Variants in PLEKHM2 observed in about 807,000 individuals in gnomAD.
PLEKHM2 encodes pleckstrin homology and RUN domain containing M2.
In PLEKHM2, 77 loss-of-function variants were observed where a neutral mutation model predicts 116.3. The ratio of observed to expected loss-of-function variants is 0.66; its 90% confidence interval spans 0.55 to 0.80. The LOEUF is 0.80. Ranked by LOEUF, PLEKHM2 falls within the 30% of genes least tolerant of loss-of-function variation. PLEKHM2 has a pLI of 0.00. For synonymous variants in PLEKHM2, 562 were observed against 571.0 expected (o/e 0.98, Z 0.22); for missense variants, 1,183 against 1,354.9 (o/e 0.87, Z 1.99).
chr1:15,687,023 A>G (rs1640786374), intron 1 of PLEKHM2, among the ~76,000 whole-genome samples: 1 of 151,460 alleles, frequency 6.6e-6, no homozygotes, highest in Non-Finnish European at 1.5e-5. Context: ...CCTGACCTCA[A>G]GTGATCTGCC....
chr1:15,730,667 G>T lies in PLEKHM2; in HGVS notation c.2344G>T (p.Ala782Ser). ...ITKEGMLHYK[A>S]GTSYLGKEHW... The stretch of plus-strand genomic sequence containing the variant: ...CAAAGAAGGCATGCTGCACTACAAG[G>T]CGGGCACCTCCTACCTGGGCAAGGA... The change falls in exon 15 of 20, where the codon GCG becomes TCG. Residue 782 changes from alanine (A) to serine (S), a missense_variant. By Grantham distance (99) the Ala-to-Ser change is moderately conservative. This residue lies in a region of PLEKHM2 where 594 missense variants were observed against 720.1 expected (regional missense o/e 0.82). Coordinates refer to ENST00000375799, the MANE Select transcript of PLEKHM2 (RefSeq NM_015164.4). 1 of 1,610,140 alleles carries T rather than the reference G, an allele frequency of 6.2e-7. No homozygotes were observed. The highest frequency in any genetic ancestry group is 8.5e-7 in the Non-Finnish European group (1 of 1,178,432).
chr1:15,726,090 C>T (rs1478981532), intron 8 of PLEKHM2, among the ~76,000 whole-genome samples: 4 of 152,186 alleles, frequency 2.6e-5, no homozygotes, highest in South Asian at 2.1e-4. Context: ...GCACAGGCAG[C>T]GACCGTGGCT....
rs2068107083 is a variant in PLEKHM2, at chr1:15,729,263, GT to G, written c.2075+74del. 2 of 1,290,718 alleles carry G rather than the reference GT, an allele frequency of 1.5e-6. No individual in the cohort carries two copies. The highest frequency in any genetic ancestry group is 2.2e-6 in the Non-Finnish European group (2 of 906,622). 80.0% of individuals were successfully genotyped at this position (1,290,718 alleles called of 1,614,324 possible). A position where few individuals can be genotyped will look rare whatever the true frequency, so the allele number is the denominator to read the frequency against. The stretch of plus-strand genomic sequence containing the variant: ...GCCCATAGGTGTGGGTGGCCTGGGG[GT>G]CAGGGGTGGAGGTGGAAAGTGGGAG... On this transcript the variant is annotated intron_variant, in intron 13 of 19. Transcript: ENST00000375799. This position sits in a 1 kb window ranked among gnomAD's most constrained non-coding sequence, Gnocchi z 4.7.
chr1:15,693,109 C>T (rs1035019868), intron 1 of PLEKHM2, among the ~76,000 whole-genome samples: 15 of 151,030 alleles, frequency 9.9e-5, no homozygotes, highest in African/African-American at 2.7e-4. Flanking sequence ...GGCGCAATCT[C>T]GGCTCACTGC....
intron 1 of PLEKHM2, among the ~76,000 whole-genome samples, chr1:15,693,396 G>A (rs953640375): frequency 3.3e-5 from 5 of 152,168 alleles, no homozygotes; most frequent in African/African-American, 7.2e-5. Context: ...CTTCTCTGAC[G>A]TCAGGTTTCT....
intron 1 of PLEKHM2, among the ~76,000 whole-genome samples, chr1:15,704,649 G>A (rs1641184676): frequency 6.6e-6 from 1 of 152,106 alleles, no homozygotes; most frequent in Admixed American, 6.6e-5. Flanking sequence ...ATTTGCTGAT[G>A]CGGGATCCAC....
chr1:15,719,938 A>G lies in PLEKHM2; in HGVS notation c.652+18A>G. On this transcript the variant is annotated intron_variant, in intron 6 of 19. Coordinates refer to ENST00000375799, the MANE Select transcript of PLEKHM2 (RefSeq NM_015164.4). The surrounding 1 kb of genome is among the most constrained non-coding windows in gnomAD (Gnocchi z 4.1). ...TAGTGAGGGTGAGTGGCCCCAGGGC[A>G]GAAAAGCTAAGCCCCTGTTGTGAAA... is the stretch of plus-strand genomic sequence containing the variant. The G allele has an allele frequency of 6.3e-7, 1 of 1,596,472 alleles. No individual in the cohort carries two copies. The highest frequency in any genetic ancestry group is 8.6e-7 in the Non-Finnish European group (1 of 1,167,858).
intron 1 of PLEKHM2, among the ~76,000 whole-genome samples, chr1:15,694,304 G>A (rs936950721): frequency 2.6e-5 from 4 of 151,810 alleles, no homozygotes; most frequent in Admixed American, 6.6e-5. Context: ...AGCCAAGATC[G>A]CGCCACTGTA....
intron 4 of PLEKHM2, 95 bp from the exon 5 acceptor site, chr1:15,718,443 C>A (rs528184712): frequency 1.7e-5 from 13 of 745,952 alleles, no homozygotes; most frequent in Middle Eastern, 4.6e-4. Flanking sequence ...GAGGACATCA[C>A]GTGTCAGATT....
At chr1:15,715,108 A>T (rs1438944951) in intron 1 of PLEKHM2, among the ~76,000 whole-genome samples, 2 of 152,146 alleles carry the variant, frequency 1.3e-5, no homozygotes, top group Non-Finnish European at 2.9e-5. Context: ...TGAGCCTTGC[A>T]TGCACCTAGA....
chr1:15,724,597 G>T (rs1284214562), intron 7 of PLEKHM2, among the ~76,000 whole-genome samples: 1 of 152,110 alleles, frequency 6.6e-6, no homozygotes, highest in African/African-American at 2.4e-5. Flanking sequence ...AGCCTGGGGG[G>T]CGGCCTCTCG....
At chr1:15,731,111 G>T in intron 15 of PLEKHM2, 81 bp from the exon 16 acceptor site, 1 of 1,012,368 alleles carries the variant, frequency 9.9e-7, no homozygotes. Flanking sequence ...ATGTGCGTGG[G>T]AGGGGAACCC....
At position 15,709,567 on chromosome 1, in the gene PLEKHM2, G is replaced by A. The variant is rs764606800; in HGVS notation, c.61-6670G>A. ...CATTTTGCAGATGAGAAAAAATGAG[G>A]GTTAGAGAGTTAAGTAATTTGCCAA... On this transcript the variant is annotated intron_variant, in intron 1 of 19. Coordinates refer to ENST00000375799, the MANE Select transcript of PLEKHM2 (RefSeq NM_015164.4). Among the ~76,000 whole-genome samples, 67 of 152,130 alleles carry A rather than the reference G, an allele frequency of 4.4e-4. 1 individual carries two copies. Among genetic ancestry groups the A allele is most frequent in the Admixed American group, 4.4e-3 (67 of 15,268 alleles).
chr1:15,717,716 T>A (rs532094098), intron 3 of PLEKHM2, among the ~76,000 whole-genome samples, 177 bp from the exon 4 acceptor site: 1 of 152,360 alleles, frequency 6.6e-6, no homozygotes, highest in African/African-American at 2.4e-5. Context: ...AGCTACATGC[T>A]GAGGTCTGAC....
At chr1:15,689,491 C>A (rs12090337) in intron 1 of PLEKHM2, among the ~76,000 whole-genome samples, 24,949 of 152,104 alleles carry the variant, frequency 0.16, 3,864 homozygotes, top group African/African-American at 0.41. Context: ...CAAACGCAGG[C>A]TTCAGCGGTA....
intron 7 of PLEKHM2, chr1:15,722,843 C>T (rs1404960298): frequency 2.0e-5 from 3 of 151,844 alleles, no homozygotes; most frequent in Admixed American, 1.3e-4. Flanking sequence ...TTTTTTCCCT[C>T]CGATTCTAAC....
intron 1 of PLEKHM2, among the ~76,000 whole-genome samples, chr1:15,692,128 A>G (rs1374235182): frequency 6.6e-6 from 1 of 151,872 alleles, no homozygotes; most frequent in African/African-American, 2.4e-5. Context: ...GGGAAAAAAA[A>G]AATTAGCTGG....
chr1:15,725,045 C>G (rs1288294216), intron 7 of PLEKHM2, among the ~76,000 whole-genome samples: 4 of 152,216 alleles, frequency 2.6e-5, no homozygotes, highest in Non-Finnish European at 5.9e-5. Context: ...GCTGCTTCAC[C>G]GCGGGGGCCC....
chr1:15,706,531 G>A (rs187551651), intron 1 of PLEKHM2, among the ~76,000 whole-genome samples: 1 of 152,048 alleles, frequency 6.6e-6, no homozygotes, highest in Admixed American at 6.6e-5. Flanking sequence ...TCAGCCTCCC[G>A]AGTAGCTGGG....
Sources: gnomAD v4.1 joint callset for allele counts (sites outside exome capture counted in the v4.1 genomes callset) on GRCh38, gnomAD v4.1.1 for gene constraint, gnomAD v4.1.1 regional missense constraint, Gnocchi (gnomAD v3.1) non-coding constraint, MANE v1.5 for transcripts, NCBI Gene and HGNC (gene_info 2026-07-23, HGNC 2026-07-21) for gene names.